Variants in ZMAT4 observed in about 807,000 individuals in gnomAD.
ZMAT4 encodes zinc finger matrin-type protein 4.
A neutral mutation model predicts 28.7 loss-of-function variants in ZMAT4; 17 were observed. The ratio of observed to expected loss-of-function variants is 0.59; its 90% CI spans 0.41 to 0.89. The LOEUF is 0.89. ZMAT4 is among the 40% of genes least tolerant of loss of function. The pLI is 0.00. For missense variants in ZMAT4, 240 were observed against 283.8 expected (o/e 0.85, Z 1.11); for synonymous variants, 117 against 109.2 (o/e 1.07, Z -0.44).
chr8:40,826,243 C>G (rs986479748), intron 1 of ZMAT4, among the ~76,000 whole-genome samples: 1 of 152,164 alleles, frequency 6.6e-6, no homozygotes, highest in African/African-American at 2.4e-5. Context: ...CACTAGAAAA[C>G]TATGTGGCTT....
At chr8:40,601,469 G>GAAAA (rs1563359969) in intron 5 of ZMAT4, among the ~76,000 whole-genome samples, 1 of 6,948 alleles carries the variant, frequency 1.4e-4, no homozygotes, top group African/African-American at 3.8e-4. Flanking sequence ...AGGAAGAAAG[G>GAAAA]AAAGAAAGAA....
chr8:40,674,814 T>G lies in ZMAT4; in HGVS notation c.467A>C (p.Asn156Thr), dbSNP rs768047410. The G allele has an allele frequency of 2.5e-6, 4 of 1,613,746 alleles. No individual in the cohort carries two copies. In the South Asian group the frequency reaches 4.4e-5, roughly 18 times the overall value. ...ATAATGTTGCTGGGCCATCAGAGGG[T>G]TATTAAACCAGGCTGCACAGAGCCC... Reference protein sequence around the residue: ...YCGLCAAWFNNPLMAQQHYDG... With the variant: ...YCGLCAAWFNTPLMAQQHYDG... The change falls in exon 5 of 7, where the codon AAC (asparagine) becomes ACC (threonine). Residue 156 changes from asparagine to threonine, a missense_variant. Asn to Thr is a moderately conservative substitution (Grantham distance 65, BLOSUM62 0). Coordinates refer to ENST00000297737, the MANE Select transcript of ZMAT4 (RefSeq NM_024645.3).
chr8:40,748,044 A>T (rs1812310264), intron 3 of ZMAT4, among the ~76,000 whole-genome samples: 1 of 152,212 alleles, frequency 6.6e-6, no homozygotes, highest in Admixed American at 6.5e-5. Context: ...TATATGGAGG[A>T]TAATATTTGC....
chr8:40,818,570 T>C lies in ZMAT4; in HGVS notation c.102+7005A>G, dbSNP rs193243158. On this transcript the variant is annotated intron_variant, in intron 2 of 6. Coordinates refer to ENST00000297737, the MANE Select transcript of ZMAT4 (RefSeq NM_024645.3). ...ACGTTCAAAAATACTGAAACAGTGATTCTCAATGTGTAGTGCAAAGAAGGC... is the reference window on the plus strand; with the variant it reads ...ACGTTCAAAAATACTGAAACAGTGACTCTCAATGTGTAGTGCAAAGAAGGC... Among the ~76,000 whole-genome samples the C allele has an allele frequency of 1.5e-3, 230 of 152,340 alleles. 1 individual carries two copies. Among genetic ancestry groups the C allele is most frequent in the African/African-American group, 5.1e-3 (211 of 41,578 alleles).
intron 1 of ZMAT4, among the ~76,000 whole-genome samples, chr8:40,855,498 A>G (rs1817264032): frequency 6.6e-6 from 1 of 152,090 alleles, no homozygotes; most frequent in Non-Finnish European, 1.5e-5. Flanking sequence ...GTGTTCCACT[A>G]GGTAGCCAAT....
intron 5 of ZMAT4, among the ~76,000 whole-genome samples, chr8:40,594,856 C>A (rs1340375558): frequency 6.6e-6 from 1 of 152,172 alleles, no homozygotes; most frequent in Non-Finnish European, 1.5e-5. Flanking sequence ...TACTAATCAT[C>A]CTATATTTTC....
chr8:40,688,909 A>G lies in ZMAT4; in HGVS notation c.349+8336T>C, dbSNP rs184265712. Among the ~76,000 whole-genome samples, 10 of 152,346 alleles carry G rather than the reference A, an allele frequency of 6.6e-5. No homozygotes were observed. The East Asian group carries it at 1.5e-3, about 24-fold the overall frequency. On this transcript the variant is annotated intron_variant, in intron 4 of 6. Transcript: ENST00000297737. ...TCCCCACCTCTGGGAGAGGATGAGCAAATGGATTTGTGTTGAGTTGTCTGA... is the reference window on the plus strand; with the variant it reads ...TCCCCACCTCTGGGAGAGGATGAGCGAATGGATTTGTGTTGAGTTGTCTGA...
chr8:40,708,458 C>G (rs2039143272), intron 3 of ZMAT4, among the ~76,000 whole-genome samples: 1 of 152,014 alleles, frequency 6.6e-6, no homozygotes, highest in African/African-American at 2.4e-5. Flanking sequence ...ACAATGGAGA[C>G]AAAGCAAAGG....
At chr8:40,533,786 T>C (rs953557873) in intron 6 of ZMAT4, among the ~76,000 whole-genome samples, 8 of 152,254 alleles carry the variant, frequency 5.3e-5, no homozygotes, top group Admixed American at 1.3e-4. Flanking sequence ...TTTTTAGTAG[T>C]TGTTATAAAA....
At chr8:40,808,514 C>G (rs1188012589) in intron 2 of ZMAT4, 1 of 455,456 alleles carries the variant, frequency 2.2e-6, no homozygotes, top group South Asian at 1.6e-5. Flanking sequence ...CTCACCTTGA[C>G]TTATTGACAC....
intron 5 of ZMAT4, 76 bp downstream of exon 5, chr8:40,674,628 C>A: frequency 8.4e-7 from 1 of 1,183,950 alleles, no homozygotes. Flanking sequence ...GAAGAAGAAT[C>A]ATTCCGATTT....
At chr8:40,631,165 A>AT (rs1475280058) in intron 5 of ZMAT4, among the ~76,000 whole-genome samples, 1 of 145,140 alleles carries the variant, frequency 6.9e-6, no homozygotes, top group Non-Finnish European at 1.5e-5. Flanking sequence ...GATCTACTTT[A>AT]TTTTTTTGTT....
chr8:40,749,945 A>G (rs1812388783), intron 3 of ZMAT4, among the ~76,000 whole-genome samples: 2 of 152,212 alleles, frequency 1.3e-5, no homozygotes. Context: ...CAGATTTCCC[A>G]ATGCAGCCTG....
intron 2 of ZMAT4, among the ~76,000 whole-genome samples, chr8:40,788,937 G>C (rs903221602): frequency 7.1e-5 from 10 of 140,650 alleles, no homozygotes; most frequent in African/African-American, 2.6e-4. Flanking sequence ...TCAATTAATA[G>C]AATTTATCAT....
intron 6 of ZMAT4, among the ~76,000 whole-genome samples, chr8:40,578,692 G>A (rs1804351438): frequency 6.6e-6 from 1 of 152,158 alleles, no homozygotes; most frequent in African/African-American, 2.4e-5. Flanking sequence ...AAACAGGCAT[G>A]TGAAACAGGA....
At chr8:40,628,540 T>A (rs1464182652) in intron 5 of ZMAT4, among the ~76,000 whole-genome samples, 2 of 152,184 alleles carry the variant, frequency 1.3e-5, no homozygotes, top group East Asian at 3.9e-4. Flanking sequence ...CATTTTATTA[T>A]AAGACCACAT....
chr8:40,581,601 C>T (rs1187742130), intron 5 of ZMAT4, among the ~76,000 whole-genome samples: 1 of 152,180 alleles, frequency 6.6e-6, no homozygotes, highest in Non-Finnish European at 1.5e-5. Flanking sequence ...GTCATCTCTG[C>T]AGTGAAATTT....
At chr8:40,716,550 G>A (rs999299207) in intron 3 of ZMAT4, among the ~76,000 whole-genome samples, 2 of 152,148 alleles carry the variant, frequency 1.3e-5, no homozygotes, top group Non-Finnish European at 2.9e-5. Flanking sequence ...AAATTAGCTG[G>A]GTGTGGTGGT....
intron 3 of ZMAT4, among the ~76,000 whole-genome samples, chr8:40,763,354 G>A (rs1300171103): frequency 6.6e-6 from 1 of 152,186 alleles, no homozygotes; most frequent in Non-Finnish European, 1.5e-5. Context: ...CTAGCTGGGT[G>A]ATCACAGTCA....
Sources: allele counts gnomAD v4.1 joint callset (sites outside exome capture counted in the v4.1 genomes callset), GRCh38; gene constraint gnomAD v4.1.1; transcripts MANE v1.5; gene names NCBI Gene and HGNC (gene_info 2026-07-23, HGNC 2026-07-21).